SULF1: variants seen among roughly 807,000 people sequenced by gnomAD.
The protein encoded by SULF1 is extracellular sulfatase Sulf-1.
A neutral mutation model predicts 110.5 loss-of-function variants in SULF1; 46 were observed. The ratio of observed to expected loss-of-function variants is 0.42; its 90% CI spans 0.33 to 0.53. SULF1 has a LOEUF of 0.53. SULF1 is among the 20% of genes least tolerant of loss of function. The probability of loss-of-function intolerance (pLI) is 0.12; values close to 1 mark genes in which losing one functional copy is unlikely to be tolerated. For synonymous variants in SULF1, 371 were observed against 387.1 expected (o/e 0.96, Z 0.49); for missense variants, 941 against 1,094.2 (o/e 0.86, Z 1.98).
chr8:69,473,008 T>A (rs1271340748), intron 1 of SULF1, among the ~76,000 whole-genome samples: 4 of 152,090 alleles, frequency 2.6e-5, no homozygotes, highest in Admixed American at 6.6e-5. Flanking sequence ...AGCTATTTTT[T>A]ATTTTTAATT....
intron 5 of SULF1, among the ~76,000 whole-genome samples, chr8:69,567,334 G>T (rs1460788434): frequency 6.6e-6 from 1 of 152,118 alleles, no homozygotes; most frequent in Non-Finnish European, 1.5e-5. Flanking sequence ...TAGATTTTGG[G>T]TGTTGGTTGT....
chr8:69,656,690 T>C (rs1183175043), intron 22 of SULF1, among the ~76,000 whole-genome samples: 2 of 152,224 alleles, frequency 1.3e-5, no homozygotes, highest in Non-Finnish European at 2.9e-5. Flanking sequence ...CCACGGTATA[T>C]ATGTACCACA....
At chr8:69,655,589 T>A (rs776113996) in intron 22 of SULF1, among the ~76,000 whole-genome samples, 6 of 152,232 alleles carry the variant, frequency 3.9e-5, no homozygotes, top group Non-Finnish European at 8.8e-5. Context: ...GTATTTTTAA[T>A]AGAGACAGGG....
chr8:69,586,593 A>T, intron 7 of SULF1, 85 bp downstream of exon 7: 1 of 1,401,808 alleles, frequency 7.1e-7, no homozygotes, highest in Non-Finnish European at 9.7e-7. Context: ...AACTATCCAC[A>T]AGATTGGCTT....
intron 1 of SULF1, among the ~76,000 whole-genome samples, chr8:69,494,911 T>C (rs1003045583): frequency 1.5e-4 from 23 of 150,670 alleles, no homozygotes; most frequent in Non-Finnish European, 3.2e-4. Flanking sequence ...AGAGAGAGAC[T>C]ATTGTAGTGT....
intron 22 of SULF1, chr8:69,642,311 G>A (rs1024781797): frequency 1.2e-5 from 12 of 987,064 alleles, no homozygotes; most frequent in Non-Finnish European, 1.4e-5. Flanking sequence ...AAGGTCATTA[G>A]TCCACCAAGA....
intron 22 of SULF1, among the ~76,000 whole-genome samples, chr8:69,655,788 T>C (rs1812680941): frequency 6.6e-6 from 1 of 152,246 alleles, no homozygotes; most frequent in African/African-American, 2.4e-5. Context: ...AGCTATTACC[T>C]GAATCATACT....
chr8:69,638,781 T>TAC lies in SULF1; in HGVS notation c.2477_2478dup (p.Val827ThrfsTer4). The TAC allele has an allele frequency of 6.2e-7, 1 of 1,614,134 alleles. No individual in the cohort carries two copies. Among genetic ancestry groups the TAC allele is most frequent in the Non-Finnish European group, 8.5e-7 (1 of 1,180,022 alleles). On this transcript the variant is annotated frameshift_variant, in exon 21 of 23. Coordinates refer to ENST00000402687, the MANE Select transcript of SULF1 (RefSeq NM_001128205.2). LOFTEE classifies it high-confidence loss of function. Reference sequence around the variant, plus strand: ...GTAGAACGAGGCATTTTGAATCAGCTACACGTACAACTAATGGAGCTCAGA... The same window carrying TAC: ...GTAGAACGAGGCATTTTGAATCAGCTACACACGTACAACTAATGGAGCTCAGA...
intron 5 of SULF1, among the ~76,000 whole-genome samples, chr8:69,565,200 C>T (rs571821441): frequency 2.0e-5 from 3 of 150,536 alleles, no homozygotes; most frequent in Middle Eastern, 3.5e-3. Context: ...TTATTGCTGA[C>T]GTTGGTTTGA....
intron 22 of SULF1, among the ~76,000 whole-genome samples, chr8:69,642,953 T>C (rs1055217749): frequency 2.0e-5 from 3 of 152,144 alleles, no homozygotes; most frequent in Admixed American, 2.0e-4. Flanking sequence ...TTGGCAACTT[T>C]AGTTGTTGAA....
chr8:69,638,283 T>A lies in SULF1; in HGVS notation c.2285-219T>A. 5.2e-6 allele frequency: 3 copies of A among 579,602 alleles called. No individual in the cohort carries two copies. In the South Asian group the frequency reaches 6.4e-5, roughly 12 times the overall value. The allele number at this position is 579,602 out of a possible 1,614,324, so 35.9% of individuals were successfully genotyped here. A position where few individuals can be genotyped will look rare whatever the true frequency, so the allele number is the denominator to read the frequency against. ...TGAAATTTTACTTTAGTCTTCAGCC[T>A]ATAAGAGATCACTATCTTTTTTCCC... On this transcript the variant is annotated intron_variant, in intron 19 of 22. Coordinates refer to ENST00000402687, the MANE Select transcript of SULF1 (RefSeq NM_001128205.2).
rs973397154 is a variant in SULF1, at chr8:69,563,899, T to C, written c.-60-17T>C. On this transcript the variant is annotated splice_polypyrimidine_tract_variant and intron_variant, in intron 4 of 22. Coordinates refer to ENST00000402687, the MANE Select transcript of SULF1 (RefSeq NM_001128205.2). ...TCATTTTAGTCTCACCGTCTCCGTT[T>C]TTCTCTGACTGCCCAGAACTCCAGA... The C allele has an allele frequency of 4.7e-5, 70 of 1,503,850 alleles. No individual in the cohort carries two copies. The highest frequency in any genetic ancestry group is 5.8e-5 in the Non-Finnish European group (63 of 1,092,844). The allele number at this position is 1,503,850 out of a possible 1,614,324, so 93.2% of individuals were successfully genotyped here. A position where few individuals can be genotyped will look rare whatever the true frequency, so the allele number is the denominator to read the frequency against.
intron 5 of SULF1, among the ~76,000 whole-genome samples, chr8:69,568,103 T>G (rs1459736643): frequency 6.6e-6 from 1 of 152,232 alleles, no homozygotes; most frequent in Non-Finnish European, 1.5e-5. Context: ...TTTACTCCAG[T>G]GCAATTTTCT....
intron 8 of SULF1, among the ~76,000 whole-genome samples, chr8:69,594,048 T>TATTCCA (rs967590170): frequency 6.6e-6 from 1 of 151,792 alleles, no homozygotes; most frequent in Non-Finnish European, 1.5e-5. Flanking sequence ...TTGTTGTTGT[T>TATTCCA]ATTCCAATTT....
At chr8:69,559,923 T>C (rs752500379) in intron 3 of SULF1, among the ~76,000 whole-genome samples, 1 of 152,242 alleles carries the variant, frequency 6.6e-6, no homozygotes, top group African/African-American at 2.4e-5. Flanking sequence ...TTTTACTATA[T>C]GTGAAGCTTC....
At chr8:69,603,158 T>C in intron 10 of SULF1, 34 bp from the exon 11 acceptor site, 1 of 1,611,354 alleles carries the variant, frequency 6.2e-7, no homozygotes, top group East Asian at 2.2e-5. Flanking sequence ...CCCCTGGCAT[T>C]GGATCTCAGC....
At chr8:69,626,796 G>T (rs1259193914) in intron 15 of SULF1, among the ~76,000 whole-genome samples, 1 of 152,234 alleles carries the variant, frequency 6.6e-6, no homozygotes, top group Non-Finnish European at 1.5e-5. Flanking sequence ...CGCCCATCCG[G>T]AACTCCAGCT....
intron 1 of SULF1, among the ~76,000 whole-genome samples, chr8:69,494,227 A>T (rs897812815): frequency 9.2e-5 from 14 of 152,350 alleles, no homozygotes; most frequent in Non-Finnish European, 1.8e-4. Flanking sequence ...AGATGAATAG[A>T]TGTGAAAACC....
chr8:69,559,831 G>T (rs958808478), intron 3 of SULF1, among the ~76,000 whole-genome samples: 1 of 152,112 alleles, frequency 6.6e-6, no homozygotes, highest in African/African-American at 2.4e-5. Context: ...CAAGGTCAAG[G>T]TTTAATAAAA....
Sources: allele counts gnomAD v4.1 joint callset (sites outside exome capture counted in the v4.1 genomes callset), GRCh38; gene constraint gnomAD v4.1.1; transcripts MANE v1.5; gene names NCBI Gene and HGNC (gene_info 2026-07-23, HGNC 2026-07-21).